NDST4: variants seen among roughly 807,000 people sequenced by gnomAD.
NDST4 encodes N-deacetylase and N-sulfotransferase 4, also known as N-heparan sulfate sulfotransferase 4.
A neutral mutation model predicts 100.8 loss-of-function variants in NDST4; 63 were observed. The observed-to-expected ratio is 0.62, with a 90% CI of 0.51 to 0.77. NDST4 has a LOEUF of 0.77. Ranked by LOEUF, NDST4 falls within the 30% of genes least tolerant of loss-of-function variation. NDST4 has a pLI of 0.00. For synonymous variants in NDST4, 377 were observed against 361.8 expected, an observed-to-expected ratio of 1.04 and a Z score of -0.48; for missense variants, 943 against 1,018.4, an observed-to-expected ratio of 0.93 and a Z score of 1.01.
intron 6 of NDST4, among the ~76,000 whole-genome samples, chr4:114,920,601 T>C (rs893525452): frequency 6.6e-6 from 1 of 152,224 alleles, no homozygotes; most frequent in African/African-American, 2.4e-5. Context: ...TCTTATCTTT[T>C]ACATTGTTTA....
intron 4 of NDST4, among the ~76,000 whole-genome samples, chr4:114,967,760 AT>A (rs1318556051): frequency 6.6e-6 from 1 of 152,176 alleles, no homozygotes; most frequent in Non-Finnish European, 1.5e-5. Context: ...TAAGTAAAAA[AT>A]GACCCCTTGT....
intron 2 of NDST4, among the ~76,000 whole-genome samples, chr4:115,024,507 TTA>T (rs1415110815): frequency 6.6e-6 from 1 of 152,172 alleles, no homozygotes; most frequent in East Asian, 1.9e-4. Context: ...CCTATTTATT[TTA>T]TTTTCAAATG....
At chr4:114,949,798 G>C (rs1725949158) in intron 4 of NDST4, among the ~76,000 whole-genome samples, 1 of 152,030 alleles carries the variant, frequency 6.6e-6, no homozygotes, top group African/African-American at 2.4e-5. Context: ...TGGACAGTTT[G>C]GCTCCACAAG....
At chr4:114,890,930 G>C (rs1426220726) in intron 6 of NDST4, among the ~76,000 whole-genome samples, 1 of 151,942 alleles carries the variant, frequency 6.6e-6, no homozygotes, top group Non-Finnish European at 1.5e-5. Context: ...CCCCCTGACT[G>C]ATTTCTTCAA....
rs1553959397 is a variant in NDST4 at position 114,986,830 on chromosome 4, A to ATATTTATTTATTTATT, written c.979-9557_979-9556insAATAAATAAATAAATA. Among the ~76,000 whole-genome samples, 15 of 91,966 alleles carry ATATTTATTTATTTATT rather than the reference A, an allele frequency of 1.6e-4. 1 individual carries two copies. The highest frequency in any genetic ancestry group is 4.7e-4 in the African/African-American group (11 of 23,326). 60.3% of individuals were successfully genotyped at this position (91,966 alleles called of 152,430 possible). ...TATATATATATATATATATATATAT[A>ATATTTATTTATTTATT]TATTTTAATATACTATTCCTATAAG... is the stretch of plus-strand genomic sequence containing the variant. On this transcript the variant is annotated intron_variant, in intron 2 of 13. Transcript: ENST00000264363.
intron 2 of NDST4, among the ~76,000 whole-genome samples, chr4:115,038,208 A>G (rs2126272803): frequency 6.6e-6 from 1 of 152,344 alleles, no homozygotes; most frequent in East Asian, 1.9e-4. Flanking sequence ...AATAAATTTT[A>G]GAAAGTCCTA....
chr4:115,100,231 T>C (rs1729702529), intron 1 of NDST4, among the ~76,000 whole-genome samples: 1 of 152,064 alleles, frequency 6.6e-6, no homozygotes, highest in African/African-American at 2.4e-5. Context: ...TTTAATACTA[T>C]GAAAATTAAT....
At chr4:114,987,209 T>A (rs1726934118) in intron 2 of NDST4, among the ~76,000 whole-genome samples, 2 of 152,048 alleles carry the variant, frequency 1.3e-5, no homozygotes, top group Non-Finnish European at 2.9e-5. Context: ...AATAATCAAG[T>A]CAAAATCTTT....
intron 2 of NDST4, among the ~76,000 whole-genome samples, chr4:115,071,863 A>G (rs1423559865): frequency 6.6e-6 from 1 of 152,154 alleles, no homozygotes; most frequent in Non-Finnish European, 1.5e-5. Flanking sequence ...CTGTGACTAG[A>G]ATATTTTTTC....
At chr4:114,877,000 T>C (rs367881994) in intron 6 of NDST4, among the ~76,000 whole-genome samples, 1 of 152,060 alleles carries the variant, frequency 6.6e-6, no homozygotes, top group Non-Finnish European at 1.5e-5. Context: ...TTCAAAGTAG[T>C]CAACAAGCGG....
At chr4:114,881,325 C>T (rs1488687329) in intron 6 of NDST4, among the ~76,000 whole-genome samples, 1 of 151,984 alleles carries the variant, frequency 6.6e-6, no homozygotes, top group Non-Finnish European at 1.5e-5. Context: ...TATTGAATCT[C>T]TAATGATCTG....
chr4:114,841,637 T>G (rs72893314), intron 10 of NDST4, among the ~76,000 whole-genome samples: 16,609 of 152,194 alleles, frequency 0.11, 949 homozygotes, highest in Middle Eastern at 0.15. Flanking sequence ...TAGGGAAATG[T>G]TTAACATTTT....
At chr4:114,929,105 C>G (rs6848955) in intron 6 of NDST4, among the ~76,000 whole-genome samples, 8 of 121,908 alleles carry the variant, frequency 6.6e-5, no homozygotes, top group African/African-American at 2.2e-4. Flanking sequence ...TCCATCCATC[C>G]ATCCATCCAT....
chr4:114,982,893 G>A (rs1169000721), intron 2 of NDST4, among the ~76,000 whole-genome samples: 1 of 152,132 alleles, frequency 6.6e-6, no homozygotes, highest in African/African-American at 2.4e-5. Context: ...ATGGTGCCCT[G>A]CATCCCAGCC....
At chr4:115,089,418 T>C (rs906710285) in intron 1 of NDST4, among the ~76,000 whole-genome samples, 1 of 151,878 alleles carries the variant, frequency 6.6e-6, no homozygotes, top group Non-Finnish European at 1.5e-5. Flanking sequence ...TAACTGTAAG[T>C]TTGCTTCAAA....
intron 6 of NDST4, among the ~76,000 whole-genome samples, chr4:114,884,581 CTCAACAGACATAATGTTTATG>C (rs368983538): frequency 4.6e-5 from 7 of 152,118 alleles, no homozygotes; most frequent in African/African-American, 1.7e-4. Flanking sequence ...GTCTAAACAC[CTCAACAGACATAATGTTTATG>C]TCTACATTAA....
intron 4 of NDST4, among the ~76,000 whole-genome samples, chr4:114,956,745 C>T (rs901667129): frequency 1.3e-5 from 2 of 148,198 alleles, no homozygotes; most frequent in African/African-American, 4.9e-5. Flanking sequence ...AGGCTGCACA[C>T]TTCAAGTGAA....
At chr4:115,062,535 C>T (rs1418983482) in intron 2 of NDST4, among the ~76,000 whole-genome samples, 2 of 151,448 alleles carry the variant, frequency 1.3e-5, no homozygotes, top group African/African-American at 2.4e-5. Context: ...CAAATATCAT[C>T]ATTAAAAGAT....
At chr4:115,091,951 T>A (rs1383450445) in intron 1 of NDST4, among the ~76,000 whole-genome samples, 3 of 152,190 alleles carry the variant, frequency 2.0e-5, no homozygotes, top group African/African-American at 4.8e-5. Flanking sequence ...CACTATAATA[T>A]AAGATGCAAA....
Sources: allele counts gnomAD v4.1 joint callset (sites outside exome capture counted in the v4.1 genomes callset), GRCh38; gene constraint gnomAD v4.1.1; transcripts MANE v1.5; gene names NCBI Gene and HGNC (gene_info 2026-07-23, HGNC 2026-07-21).